GAST: variants seen among roughly 807,000 people sequenced by gnomAD.
GAST encodes the protein preprogastrin.
GAST carries 9 observed loss-of-function variants against 12.5 expected under a neutral mutation model. That is an observed-to-expected ratio of 0.72 (90% confidence interval 0.43 to 1.25). The LOEUF (loss-of-function observed/expected upper bound fraction) is 1.25. GAST is among the 50% of genes most tolerant of loss of function. The pLI, the probability that GAST is intolerant of heterozygous loss-of-function variation, is 0.00. For missense variants in GAST, 121 were observed against 127.7 expected, an observed-to-expected ratio of 0.95 and a Z score of 0.25; for synonymous variants, 52 against 51.1, an observed-to-expected ratio of 1.02 and a Z score of -0.08.
chr17:41,715,945 C>A lies in GAST; in HGVS notation c.*73C>A, dbSNP rs782538505. 303 of 1,179,778 alleles carry A rather than the reference C, an allele frequency of 2.6e-4. No individual in the cohort carries two copies. Among genetic ancestry groups the A allele is most frequent in the Non-Finnish European group, 2.5e-4 (207 of 830,656 alleles). 73.1% of individuals were successfully genotyped at this position (1,179,778 alleles called of 1,614,324 possible). A position where few individuals can be genotyped will look rare whatever the true frequency, so the allele number is the denominator to read the frequency against. ...CAGCCCTGTCCCCTGAAAAACTGAT[C>A]AAAAATAAACTAGTTTCCAGTGGAT... On this transcript the variant is annotated 3_prime_UTR_variant, in exon 3 of 3. Transcript: ENST00000329402.
intron 1 of GAST, among the ~76,000 whole-genome samples, 156 bp downstream of exon 1, chr17:41,712,543 T>A (rs893688034): frequency 2.6e-5 from 4 of 152,214 alleles, no homozygotes; most frequent in African/African-American, 9.6e-5. Context: ...GAACTAGGTC[T>A]TGGCTCCAGT....
intron 1 of GAST, among the ~76,000 whole-genome samples, chr17:41,713,427 A>G (rs1239862717): frequency 6.6e-6 from 1 of 152,176 alleles, no homozygotes; most frequent in Non-Finnish European, 1.5e-5. Flanking sequence ...ACCGTGGCTC[A>G]TGCCTGTGAT....
At chr17:41,714,512 C>G (rs1439010645) in intron 1 of GAST, among the ~76,000 whole-genome samples, 1 of 152,058 alleles carries the variant, frequency 6.6e-6, no homozygotes, top group Non-Finnish European at 1.5e-5. Flanking sequence ...TGGCTCACAT[C>G]TGTAATCGCA....
chr17:41,712,904 GGTTA>G (rs1446640622), intron 1 of GAST, among the ~76,000 whole-genome samples: 1 of 151,980 alleles, frequency 6.6e-6, no homozygotes, highest in Non-Finnish European at 1.5e-5. Context: ...CTTGAAATGG[GGTTA>G]GTGTAAGGAA....
chr17:41,715,248 C>T (rs1168042416), intron 1 of GAST, among the ~76,000 whole-genome samples, 184 bp from the exon 2 acceptor site: 3 of 151,190 alleles, frequency 2.0e-5, no homozygotes, highest in East Asian at 2.0e-4. Flanking sequence ...TATAGTGAGC[C>T]GAGATCCCAC....
Position 41,715,809 on chromosome 17 carries a change from G to GGAAGAA in GAST, c.251_256dup (p.Glu84_Glu85dup), listed in dbSNP as rs781866901. On this transcript the variant is annotated inframe_insertion, in exon 3 of 3. Coordinates refer to ENST00000329402, the MANE Select transcript of GAST (RefSeq NM_000805.5). ...CCAAGAAGCAGGGACCATGGCTGGA[G>GGAAGAA]GAAGAAGAAGAAGCCTATGGATGGA... is the stretch of plus-strand genomic sequence containing the variant. The GGAAGAA allele has an allele frequency of 1.9e-6, 3 of 1,611,984 alleles. No homozygotes were observed. The South Asian group carries it at 3.3e-5, about 18-fold the overall frequency.
intron 1 of GAST, among the ~76,000 whole-genome samples, chr17:41,714,176 T>TGAA (rs1910916865): frequency 6.6e-6 from 1 of 152,172 alleles, no homozygotes; most frequent in Non-Finnish European, 1.5e-5. Context: ...TTTCACTTTT[T>TGAA]GTTTTTGTTT....
At position 41,715,797 on chromosome 17, in the gene GAST, A is replaced by G; in HGVS notation, c.231A>G (p.Gly77=). The G allele has an allele frequency of 6.2e-7, 1 of 1,611,166 alleles. No individual in the cohort carries two copies. The highest frequency in any genetic ancestry group is 8.5e-7 in the Non-Finnish European group (1 of 1,179,074). ...CCTCAGACCCGTCCAAGAAGCAGGG[A>G]CCATGGCTGGAGGAAGAAGAAGAAG... The part of the protein sequence containing the change: ...HLVADPSKKQ[G]PWLEEEEEAY... The change falls in exon 3 of 3, where the codon GGA becomes GGG. Residue 77 remains glycine (G), a synonymous_variant. Coordinates refer to ENST00000329402, the MANE Select transcript of GAST (RefSeq NM_000805.5).
chr17:41,715,070 G>A (rs1359751278), intron 1 of GAST, among the ~76,000 whole-genome samples: 4 of 152,090 alleles, frequency 2.6e-5, no homozygotes, highest in Non-Finnish European at 4.4e-5. Context: ...AGGCCGAGGC[G>A]GGTGGATCAC....
intron 1 of GAST, 93 bp from the exon 2 acceptor site, chr17:41,715,339 G>A (rs979541621): frequency 3.0e-4 from 258 of 864,192 alleles, no homozygotes; most frequent in Non-Finnish European, 4.4e-4. Flanking sequence ...TCATCAGCAG[G>A]TAGAGGCCTG....
At chr17:41,714,211 C>T (rs968456673) in intron 1 of GAST, among the ~76,000 whole-genome samples, 2 of 152,098 alleles carry the variant, frequency 1.3e-5, no homozygotes, top group Non-Finnish European at 1.5e-5. Flanking sequence ...CTCACTCTGT[C>T]GCCCAGGCTG....
intron 1 of GAST, among the ~76,000 whole-genome samples, chr17:41,714,886 A>G (rs868967884): frequency 6.6e-6 from 1 of 152,222 alleles, no homozygotes; most frequent in Admixed American, 6.5e-5. Flanking sequence ...ACTTTCTCCA[A>G]TAGAAGCAGT....
At position 41,712,365 on chromosome 17, in the gene GAST, C is replaced by T. The variant is rs1048873296; in HGVS notation, c.-28C>T. 2.6e-5 allele frequency: 4 copies of T among 152,442 alleles called. No homozygotes were observed. Among genetic ancestry groups the T allele is most frequent in the African/African-American group, 9.7e-5 (4 of 41,432 alleles). 9.4% of individuals were successfully genotyped at this position (152,442 alleles called of 1,614,324 possible). On this transcript the variant is annotated 5_prime_UTR_variant, in exon 1 of 3. Coordinates refer to ENST00000329402, the MANE Select transcript of GAST (RefSeq NM_000805.5). ...AGAGGCACCAGGCCCAGCCGTGGCA[C>T]CACACACCTCCCAGCTCTGCAGGTG...
Position 41,715,902 on chromosome 17 carries a change from C to T in GAST, c.*30C>T, listed in dbSNP as rs1012147954. 21 of 1,512,808 alleles carry T rather than the reference C, an allele frequency of 1.4e-5. No individual in the cohort carries two copies. The highest frequency in any genetic ancestry group is 1.4e-4 in the South Asian group (11 of 81,100). 93.7% of individuals were successfully genotyped at this position (1,512,808 alleles called of 1,614,324 possible). On this transcript the variant is annotated 3_prime_UTR_variant, in exon 3 of 3. Coordinates refer to ENST00000329402, the MANE Select transcript of GAST (RefSeq NM_000805.5). The stretch of plus-strand genomic sequence containing the variant: ...CCTAGAACCAAGCTTCAGAGCCTAG[C>T]CACCTCCCACCCCACTCCAGCCCTG...
In GAST at chr17:41,715,432, A is replaced by T; in HGVS notation, c.-5A>T. 6.2e-7 allele frequency: 1 copy of T among 1,607,452 alleles called. No homozygotes were observed. Among genetic ancestry groups the T allele is most frequent in the Non-Finnish European group, 8.5e-7 (1 of 1,174,914 alleles). On this transcript the variant is annotated splice_region_variant and 5_prime_UTR_variant, in exon 2 of 3. Coordinates refer to ENST00000329402, the MANE Select transcript of GAST (RefSeq NM_000805.5). ...AGCTAGTCCCTTCTCCCCTTTGCAG[A>T]CGAGATGCAGCGACTGTGTGTGTAT...
intron 1 of GAST, among the ~76,000 whole-genome samples, chr17:41,714,485 T>C (rs1910923485): frequency 6.6e-6 from 1 of 151,984 alleles, no homozygotes; most frequent in Non-Finnish European, 1.5e-5. Context: ...AAATAACAAG[T>C]CTTGGGCTGA....
chr17:41,715,003 C>T (rs1435322477), intron 1 of GAST, among the ~76,000 whole-genome samples: 1 of 152,026 alleles, frequency 6.6e-6, no homozygotes. Flanking sequence ...CAACTCCACA[C>T]AGAATTGCAG....
Position 41,715,315 on chromosome 17 carries a change from A to G in GAST, c.-5-117A>G, listed in dbSNP as rs1910945942. 5 of 728,520 alleles carry G rather than the reference A, an allele frequency of 6.9e-6. No individual in the cohort carries two copies. The East Asian group carries it at 1.3e-4, about 19-fold the overall frequency. 45.1% of individuals were successfully genotyped at this position (728,520 alleles called of 1,614,324 possible). The stretch of plus-strand genomic sequence containing the variant: ...AACTCTGTCTAAAAAAAAAAAAAAG[A>G]AAGAATTGCACACTCATCAGCAGGT... On this transcript the variant is annotated intron_variant, in intron 1 of 2. Transcript: ENST00000329402.
At position 41,715,412 on chromosome 17, in the gene GAST, G is replaced by A; in HGVS notation, c.-5-20G>A. 1 of 1,595,794 alleles carries A rather than the reference G, an allele frequency of 6.3e-7. No homozygotes were observed. The highest frequency in any genetic ancestry group is 8.6e-7 in the Non-Finnish European group (1 of 1,166,300). On this transcript the variant is annotated intron_variant, in intron 1 of 2. Transcript: ENST00000329402. Reference sequence around the variant, plus strand: ...TGGGGACAGCCTCACCCTTAAGCTAGTCCCTTCTCCCCTTTGCAGACGAGA... The same window carrying A: ...TGGGGACAGCCTCACCCTTAAGCTAATCCCTTCTCCCCTTTGCAGACGAGA...
Sources: gnomAD v4.1 joint callset for allele counts (sites outside exome capture counted in the v4.1 genomes callset) on GRCh38, gnomAD v4.1.1 for gene constraint, MANE v1.5 for transcripts, NCBI Gene and HGNC (gene_info 2026-07-23, HGNC 2026-07-21) for gene names.